GLYATL2: variants seen among roughly 807,000 people sequenced by gnomAD.
GLYATL2 encodes the protein glycine-N-acyltransferase like 2.
A neutral mutation model predicts 21.4 loss-of-function variants in GLYATL2; 25 were observed. The observed-to-expected ratio is 1.17, with a 90% CI of 0.85 to 1.63. The LOEUF is 1.63. GLYATL2 is among the 40% of genes most tolerant of loss of function. The pLI, the probability that GLYATL2 is intolerant of heterozygous loss-of-function variation, is 0.00. For missense variants in GLYATL2, 361 were observed against 343.3 expected (o/e 1.05, Z -0.41); for synonymous variants, 114 against 118.2 (o/e 0.96, Z 0.23).
chr11:58,845,395 A>C (rs1853625023), upstream of GLYATL2, among the ~76,000 whole-genome samples: 1 of 152,122 alleles, frequency 6.6e-6, no homozygotes, highest in African/African-American at 2.4e-5. Flanking sequence ...GAGGGCAAAA[A>C]CTTGATACAA....
intron 3 of GLYATL2, 117 bp from the exon 4 acceptor site, chr11:58,837,514 G>T: frequency 3.0e-6 from 3 of 1,011,178 alleles, no homozygotes; most frequent in Non-Finnish European, 4.4e-6. Flanking sequence ...TCTGAGACAG[G>T]TGTAGAAAAT....
At chr11:58,898,351 G>T (rs1287792076) in intron 1 of GLYATL2, among the ~76,000 whole-genome samples, 4 of 152,098 alleles carry the variant, frequency 2.6e-5, no homozygotes, top group African/African-American at 9.7e-5. Flanking sequence ...CCCTTGCAGT[G>T]TGTCTCTTCT....
chr11:58,889,954 T>C (rs1854511806), intron 1 of GLYATL2, among the ~76,000 whole-genome samples: 2 of 152,160 alleles, frequency 1.3e-5, no homozygotes, highest in Admixed American at 1.3e-4. Flanking sequence ...TTTTTTAATT[T>C]CAACTTTCCT....
At chr11:58,868,118 T>A (rs572442913) in intron 1 of GLYATL2, among the ~76,000 whole-genome samples, 1 of 148,990 alleles carries the variant, frequency 6.7e-6, no homozygotes, top group African/African-American at 2.4e-5. Context: ...GCCAAAGTCC[T>A]GATACAGAGT....
upstream of GLYATL2, chr11:58,908,378 T>G (rs906414447): frequency 6.5e-6 from 1 of 153,556 alleles, no homozygotes; most frequent in African/African-American, 2.4e-5. Flanking sequence ...TTTGTTTTTT[T>G]AGACATTTAA....
intron 1 of GLYATL2, chr11:58,840,614 C>A (rs1853529442): frequency 6.6e-6 from 1 of 152,004 alleles, no homozygotes; most frequent in African/African-American, 2.4e-5. Context: ...CCAAGGCGGG[C>A]AGATCACAAG....
intron 1 of GLYATL2, among the ~76,000 whole-genome samples, chr11:58,875,390 G>T (rs1362223345): frequency 6.6e-6 from 1 of 152,158 alleles, no homozygotes; most frequent in Non-Finnish European, 1.5e-5. Flanking sequence ...AGCATTGATG[G>T]TCTTTACAAT....
At chr11:58,855,070 C>A (rs1435416301) in intron 1 of GLYATL2, among the ~76,000 whole-genome samples, 4 of 152,164 alleles carry the variant, frequency 2.6e-5, no homozygotes, top group Non-Finnish European at 5.9e-5. Context: ...CACCTTCTTC[C>A]AAATTCCTGT....
At chr11:58,848,832 T>G (rs1853688938), upstream of GLYATL2, among the ~76,000 whole-genome samples, 1 of 152,144 alleles carries the variant, frequency 6.6e-6, no homozygotes, top group Admixed American at 6.5e-5. Flanking sequence ...CAGAGAAAGA[T>G]ATCAGTATCT....
intron 5 of GLYATL2, among the ~76,000 whole-genome samples, chr11:58,835,159 C>T (rs1224568295): frequency 6.6e-6 from 1 of 152,062 alleles, no homozygotes; most frequent in African/African-American, 2.4e-5. Context: ...CCAGAGAAGC[C>T]CTCCACATGG....
intron 1 of GLYATL2, 62 bp from the exon 2 acceptor site, chr11:58,839,714 G>A: frequency 1.3e-6 from 1 of 759,738 alleles, no homozygotes; most frequent in Non-Finnish European, 2.2e-6. Context: ...CCAGAAAGAA[G>A]AGGAAGGAGA....
At chr11:58,880,153 C>T (rs34573918) in intron 1 of GLYATL2, among the ~76,000 whole-genome samples, 8,452 of 152,236 alleles carry the variant, frequency 0.056, 340 homozygotes, top group Non-Finnish European at 0.088. Context: ...CCACCGTGCC[C>T]GGCCAACAGT....
intron 1 of GLYATL2, among the ~76,000 whole-genome samples, chr11:58,891,876 A>G (rs1208314540): frequency 6.6e-6 from 1 of 152,212 alleles, no homozygotes; most frequent in Non-Finnish European, 1.5e-5. Context: ...GATGCTGTAT[A>G]TAAAATAAGG....
At chr11:58,887,544 C>A (rs1457893120) in intron 1 of GLYATL2, among the ~76,000 whole-genome samples, 1 of 152,122 alleles carries the variant, frequency 6.6e-6, no homozygotes, top group Non-Finnish European at 1.5e-5. Context: ...CTTTTCTACC[C>A]CTTGGGGTAA....
Position 58,876,707 on chromosome 11 carries a change from G to T in GLYATL2, n.60+27449C>A, listed in dbSNP as rs544846860. 1.4e-4 allele frequency among the ~76,000 whole-genome samples: 22 copies of T among 152,318 alleles called. 2 individuals carry two copies. The highest frequency in any genetic ancestry group is 4.6e-4 in the African/African-American group (19 of 41,584). ...GGTGTCTGTCCGCCCCTACTGGGGG[G>T]TGCCTCCCAGTTAGGCTACTTGGGG... On this transcript the variant is annotated intron_variant and non_coding_transcript_variant, in intron 1 of 4. Transcript: ENST00000533636.
chr11:58,905,686 G>C (rs1248443861), upstream of GLYATL2: 1 of 452,748 alleles, frequency 2.2e-6, no homozygotes, highest in Non-Finnish European at 4.4e-6. Flanking sequence ...GCTGTGGACC[G>C]AGTGGTTCGG....
intron 1 of GLYATL2, among the ~76,000 whole-genome samples, chr11:58,853,650 A>AT (rs1444854709): frequency 6.6e-6 from 1 of 152,124 alleles, no homozygotes; most frequent in South Asian, 2.1e-4. Flanking sequence ...ATGTCCTTAT[A>AT]TTTTTTTCGT....
upstream of GLYATL2, chr11:58,907,732 A>T (rs962720422): frequency 5.0e-6 from 1 of 200,534 alleles, no homozygotes; most frequent in African/African-American, 2.3e-5. Context: ...GGTGCCAAAA[A>T]TTTTTACATT....
upstream of GLYATL2, among the ~76,000 whole-genome samples, chr11:58,848,830 G>C (rs1316956521): frequency 6.6e-6 from 1 of 152,140 alleles, no homozygotes; most frequent in Non-Finnish European, 1.5e-5. Context: ...ACCAGAGAAA[G>C]ATATCAGTAT....
Sources: gnomAD v4.1 joint callset for allele counts (sites outside exome capture counted in the v4.1 genomes callset) on GRCh38, gnomAD v4.1.1 for gene constraint, MANE v1.5 for transcripts, NCBI Gene and HGNC (gene_info 2026-07-23, HGNC 2026-07-21) for gene names.